Variants in MOGAT1 observed in about 807,000 individuals in gnomAD.
The protein encoded by MOGAT1 is monoacylglycerol O-acyltransferase 1, also known as 2-acylglycerol O-acyltransferase 1.
Under a neutral mutation model 31.4 loss-of-function variants are expected in MOGAT1, and 32 were observed. The observed-to-expected ratio is 1.02, with a 90% CI of 0.77 to 1.37. The LOEUF (loss-of-function observed/expected upper bound fraction) is 1.37. Among genes scored for constraint, MOGAT1 ranks in the 40% most tolerant of loss-of-function variants. MOGAT1 has a pLI of 0.00. For synonymous variants in MOGAT1, 145 were observed against 144.5 expected (o/e 1.00, Z -0.03); for missense variants, 426 against 402.0 (o/e 1.06, Z -0.51).
chr2:222,682,480 C>G (rs1356339579), intron 1 of MOGAT1, among the ~76,000 whole-genome samples: 1 of 152,188 alleles, frequency 6.6e-6, no homozygotes, highest in African/African-American at 2.4e-5. Context: ...CCAACCTGGA[C>G]TTGACTAAGG....
intron 5 of MOGAT1, among the ~76,000 whole-genome samples, chr2:222,696,205 G>A (rs1405491337): frequency 6.6e-6 from 1 of 152,146 alleles, no homozygotes; most frequent in Non-Finnish European, 1.5e-5. Flanking sequence ...TTTTGCAATT[G>A]CAAATTGTTC....
At position 222,709,781 on chromosome 2, in the gene MOGAT1, A is replaced by G. The variant is rs1397258450; in HGVS notation, c.899A>G (p.Glu300Gly). The G allele has an allele frequency of 2.5e-6, 4 of 1,613,472 alleles. No individual in the cohort carries two copies. The highest frequency in any genetic ancestry group is 1.6e-4 in the Middle Eastern group (1 of 6,084). The stretch of plus-strand genomic sequence containing the variant: ...CGTCAGACTCTGAACCCGACCCAGG[A>G]GCAGATTGAGGAGTTACATCAGACC... ...PVRQTLNPTQ[E>G]QIEELHQTYM... is the part of the protein sequence containing the mutation. Residue 300 changes from glutamate to glycine, a missense_variant, in exon 6 of 6, where the codon GAG (glutamate) becomes GGG (glycine). By Grantham distance (98) the Glu-to-Gly change is moderately conservative. Transcript: ENST00000446656.
intron 1 of MOGAT1, among the ~76,000 whole-genome samples, chr2:222,679,115 A>G (rs1270415493): frequency 6.6e-6 from 1 of 152,084 alleles, no homozygotes; most frequent in Non-Finnish European, 1.5e-5. Context: ...ATATAATCCA[A>G]TGGTTCCAGC....
chr2:222,693,677 T>C (rs561765028), intron 3 of MOGAT1, among the ~76,000 whole-genome samples: 17 of 151,832 alleles, frequency 1.1e-4, no homozygotes, highest in Admixed American at 2.6e-4. Context: ...TATGAAACAA[T>C]CAGATCTCAT....
At chr2:222,675,481 C>CTTTT (rs66486955) in intron 1 of MOGAT1, among the ~76,000 whole-genome samples, 2 of 133,366 alleles carry the variant, frequency 1.5e-5, no homozygotes, top group Non-Finnish European at 1.6e-5. Flanking sequence ...TTTTCTTTTT[C>CTTTT]TTTTTTTTTT....
intron 5 of MOGAT1, among the ~76,000 whole-genome samples, chr2:222,701,352 G>A (rs1692918721): frequency 1.4e-5 from 2 of 143,150 alleles, no homozygotes; most frequent in African/African-American, 2.6e-5. Flanking sequence ...AAGAGGGAAA[G>A]AAAGGAAAGG....
chr2:222,684,316 GA>G (rs1238094164), intron 1 of MOGAT1, among the ~76,000 whole-genome samples: 3 of 151,900 alleles, frequency 2.0e-5, no homozygotes, highest in African/African-American at 4.8e-5. Flanking sequence ...TGAGGCAGGA[GA>G]ATCCCTTGAA....
chr2:222,697,131 C>A (rs528504571), intron 5 of MOGAT1, among the ~76,000 whole-genome samples: 1 of 152,292 alleles, frequency 6.6e-6, no homozygotes. Context: ...TGAGAATGTG[C>A]TGAGCCAGGC....
intron 1 of MOGAT1, among the ~76,000 whole-genome samples, chr2:222,686,987 G>A (rs745356855): frequency 3.3e-5 from 5 of 151,228 alleles, no homozygotes; most frequent in African/African-American, 9.7e-5. Context: ...GGTGGTGCGC[G>A]CCTATAATCC....
intron 3 of MOGAT1, among the ~76,000 whole-genome samples, chr2:222,691,134 T>A (rs2106038186): frequency 6.6e-6 from 1 of 152,290 alleles, no homozygotes; most frequent in Admixed American, 6.5e-5. Context: ...TGCAGTTTAC[T>A]AGAGTTGGCT....
rs763550619 is a variant in MOGAT1, at chr2:222,688,372, G to A, written c.123G>A (p.Met41Ile). The change falls in exon 2 of 6, where the codon ATG becomes ATA. Residue 41 changes from methionine to isoleucine, a missense_variant. Transcript: ENST00000446656. The stretch of plus-strand genomic sequence containing the variant: ...CGATGTCCATTGGAATCACTGTGAT[G>A]CTGATCATACACAACTATTTGTTCC... ...LGPMSIGITV[M>I]LIIHNYLFLY... 2 of 1,611,994 alleles carry A rather than the reference G, an allele frequency of 1.2e-6. No homozygotes were observed. The highest frequency in any genetic ancestry group is 8.5e-7 in the Non-Finnish European group (1 of 1,179,070).
At chr2:222,677,099 T>A (rs1336533879) in intron 1 of MOGAT1, among the ~76,000 whole-genome samples, 1 of 152,196 alleles carries the variant, frequency 6.6e-6, no homozygotes, top group Non-Finnish European at 1.5e-5. Context: ...GAAGGTTTCT[T>A]GAGCAGATAT....
intron 5 of MOGAT1, among the ~76,000 whole-genome samples, chr2:222,705,949 T>C (rs538214008): frequency 3.9e-5 from 6 of 152,312 alleles, no homozygotes; most frequent in African/African-American, 1.4e-4. Flanking sequence ...GTTCTGTTGC[T>C]TCTGGCTTCA....
At chr2:222,701,654 A>G (rs1036959350) in intron 5 of MOGAT1, among the ~76,000 whole-genome samples, 4 of 148,208 alleles carry the variant, frequency 2.7e-5, no homozygotes, top group Non-Finnish European at 6.0e-5. Context: ...GAGAAAGAAG[A>G]AAGAGAGAGA....
chr2:222,702,380 GTGT>G (rs1341956944), intron 5 of MOGAT1, among the ~76,000 whole-genome samples: 1 of 152,166 alleles, frequency 6.6e-6, no homozygotes, highest in Non-Finnish European at 1.5e-5. Flanking sequence ...TATAATAATG[GTGT>G]TGTTATATAG....
intron 1 of MOGAT1, 139 bp from the exon 2 acceptor site, chr2:222,688,205 T>C: frequency 1.7e-6 from 1 of 584,142 alleles, no homozygotes; most frequent in South Asian, 3.1e-5. Flanking sequence ...TACTGTGTCA[T>C]TACTGTCTTG....
chr2:222,681,473 A>G (rs1046450546), intron 1 of MOGAT1, among the ~76,000 whole-genome samples: 6 of 152,232 alleles, frequency 3.9e-5, no homozygotes, highest in African/African-American at 1.4e-4. Flanking sequence ...TCCAAAGCAC[A>G]GGAGTTTCTG....
chr2:222,701,111 G>A (rs6749783), intron 5 of MOGAT1, among the ~76,000 whole-genome samples: 68,003 of 151,932 alleles, frequency 0.45, 15,809 homozygotes, highest in African/African-American at 0.52. Context: ...ATAGTTTCCC[G>A]TGGCTGGCCG....
chr2:222,681,493 T>C (rs536210454), intron 1 of MOGAT1, among the ~76,000 whole-genome samples: 11 of 152,212 alleles, frequency 7.2e-5, no homozygotes, highest in Non-Finnish European at 1.3e-4. Context: ...GTCCCCATGG[T>C]GTTGGGGTAC....
Sources: gnomAD v4.1 joint callset for allele counts (sites outside exome capture counted in the v4.1 genomes callset) on GRCh38, gnomAD v4.1.1 for gene constraint, MANE v1.5 for transcripts, NCBI Gene and HGNC (gene_info 2026-07-23, HGNC 2026-07-21) for gene names.